CCDC90B: variants seen among roughly 807,000 people sequenced by gnomAD.
The protein encoded by CCDC90B is coiled-coil domain containing 90B, also known as coiled-coil domain-containing protein 90B, mitochondrial.
A neutral mutation model predicts 37.0 loss-of-function variants in CCDC90B; 24 were observed. That is an observed-to-expected ratio of 0.65 (90% CI 0.47 to 0.91). The LOEUF is 0.91. CCDC90B is among the 40% of genes least tolerant of loss of function. CCDC90B has a pLI of 0.00. For synonymous variants in CCDC90B, 113 were observed against 101.1 expected (o/e 1.12, Z -0.71); for missense variants, 319 against 299.0 (o/e 1.07, Z -0.49).
At chr11:83,270,654 CAA>C (rs1392854388) in intron 7 of CCDC90B, among the ~76,000 whole-genome samples, 3 of 152,140 alleles carry the variant, frequency 2.0e-5, no homozygotes, top group African/African-American at 7.2e-5. Flanking sequence ...AAAGAGGACA[CAA>C]ACAAATGGAA....
At position 83,273,862 on chromosome 11, in the gene CCDC90B, A is replaced by G. The variant is rs1864850538; in HGVS notation, c.471T>C (p.His157=). ...ELDQVKQQLM[H]ETSRIRADNK... ...TATCTGCTCTGATTCGACTGGTTTCATGCTTTAAAGAAAGCAAAGATATTT... is the reference window on the plus strand; with the variant it reads ...TATCTGCTCTGATTCGACTGGTTTCGTGCTTTAAAGAAAGCAAAGATATTT... Residue 157 remains histidine (H), a splice_region_variant and synonymous_variant, in exon 6 of 9, where the codon CAT becomes CAC. Transcript: ENST00000529689. 1 of 1,609,148 alleles carries G rather than the reference A, an allele frequency of 6.2e-7. No homozygotes were observed. The highest frequency in any genetic ancestry group is 8.5e-7 in the Non-Finnish European group (1 of 1,177,748).
chr11:83,268,288 C>T (rs1355714455), intron 7 of CCDC90B, among the ~76,000 whole-genome samples: 1 of 152,070 alleles, frequency 6.6e-6, no homozygotes, highest in Non-Finnish European at 1.5e-5. Flanking sequence ...CTAAATGCCC[C>T]AATTAAAAGA....
chr11:83,261,828 C>T lies in CCDC90B; in HGVS notation c.*83G>A, dbSNP rs1863940598. 2 of 961,910 alleles carry T rather than the reference C, an allele frequency of 2.1e-6. No individual in the cohort carries two copies. Among genetic ancestry groups the T allele is most frequent in the South Asian group, 1.5e-5 (1 of 66,210 alleles). The allele number at this position is 961,910 out of a possible 1,614,324, so 59.6% of individuals were successfully genotyped here. Reference sequence around the variant, plus strand: ...AATAATCTTGTGTAGTAAATTTTTGCTGCAACTGACAATGTTCAAAGTAAA... The same window carrying T: ...AATAATCTTGTGTAGTAAATTTTTGTTGCAACTGACAATGTTCAAAGTAAA... On this transcript the variant is annotated 3_prime_UTR_variant, in exon 9 of 9. Transcript: ENST00000529689.
chr11:83,264,751 A>G (rs1251471317), intron 8 of CCDC90B, among the ~76,000 whole-genome samples: 1 of 152,072 alleles, frequency 6.6e-6, no homozygotes, highest in Non-Finnish European at 1.5e-5. Flanking sequence ...AATGTGGCAC[A>G]TATACACCAT....
At chr11:83,269,526 C>A (rs1049137505) in intron 7 of CCDC90B, among the ~76,000 whole-genome samples, 1 of 152,212 alleles carries the variant, frequency 6.6e-6, no homozygotes, top group African/African-American at 2.4e-5. Context: ...ATACTATAAA[C>A]ACCTCTACAC....
chr11:83,273,760 G>T (rs372262391), intron 6 of CCDC90B, 33 bp downstream of exon 6: 89 of 1,600,806 alleles, frequency 5.6e-5, no homozygotes, highest in Non-Finnish European at 7.3e-5. Flanking sequence ...AAAGGAGTAA[G>T]TAACCAAGAA....
chr11:83,270,787 T>C (rs1258808175), intron 7 of CCDC90B, among the ~76,000 whole-genome samples: 1 of 152,166 alleles, frequency 6.6e-6, no homozygotes, highest in Admixed American at 6.5e-5. Context: ...AAAGTTCATA[T>C]GGAACCAAAA....
chr11:83,284,059 C>G (rs569308984), intron 1 of CCDC90B, among the ~76,000 whole-genome samples: 2 of 152,306 alleles, frequency 1.3e-5, no homozygotes, highest in East Asian at 3.9e-4. Flanking sequence ...AGTGGAATAA[C>G]AGATCCTTAA....
chr11:83,285,076 G>A (rs17144975), intron 1 of CCDC90B: 17,884 of 1,054,110 alleles, frequency 0.017, 159 homozygotes, highest in Non-Finnish European at 0.019. Context: ...TAACAATATG[G>A]AGTATAAATA....
chr11:83,285,348 G>C, intron 1 of CCDC90B: 1 of 1,179,648 alleles, frequency 8.5e-7, no homozygotes, highest in South Asian at 1.6e-5. Context: ...TTGGAAACTT[G>C]TGGGTTCCAG....
chr11:83,266,335 G>A (rs570223726), intron 7 of CCDC90B, among the ~76,000 whole-genome samples: 11 of 152,316 alleles, frequency 7.2e-5, no homozygotes, highest in South Asian at 4.2e-4. Flanking sequence ...AGGGGTCAGC[G>A]GATTTCCCTT....
At chr11:83,262,245 A>T (rs1400703999) in intron 8 of CCDC90B, among the ~76,000 whole-genome samples, 1 of 149,922 alleles carries the variant, frequency 6.7e-6, no homozygotes, top group African/African-American at 2.4e-5. Context: ...AGCATTATTG[A>T]CTACTTTAAA....
At chr11:83,278,854 AT>A (rs554455408) in intron 2 of CCDC90B, 25 bp from the exon 3 acceptor site, 26 of 1,441,734 alleles carry the variant, frequency 1.8e-5, no homozygotes, top group Non-Finnish European at 1.9e-5. Context: ...TAGGTATTTT[AT>A]TTTTTTTAAA....
At chr11:83,285,767 G>A in intron 1 of CCDC90B, 106 bp downstream of exon 1, 3 of 1,479,454 alleles carry the variant, frequency 2.0e-6, no homozygotes, top group African/African-American at 2.8e-5. Context: ...AATCCGGGAG[G>A]AGGGCGTGGC....
Position 83,265,736 on chromosome 11 carries a change from G to A in CCDC90B, c.709+129C>T. ...ACTGGAACCTTCTTTAAGCACTACAGGGGACCAAGCAATAAAGGAGCCTTG... is the reference window on the plus strand; with the variant it reads ...ACTGGAACCTTCTTTAAGCACTACAAGGGACCAAGCAATAAAGGAGCCTTG... On this transcript the variant is annotated intron_variant, in intron 8 of 8. Transcript: ENST00000529689. 9.9e-6 allele frequency: 6 copies of A among 606,416 alleles called. No individual in the cohort carries two copies. The East Asian group carries it at 1.4e-4, about 14-fold the overall frequency. The allele number at this position is 606,416 out of a possible 1,614,324, so 37.6% of individuals were successfully genotyped here. A position where few individuals can be genotyped will look rare whatever the true frequency, so the allele number is the denominator to read the frequency against.
chr11:83,276,080 G>A (rs1037566005), intron 3 of CCDC90B, among the ~76,000 whole-genome samples: 4 of 152,118 alleles, frequency 2.6e-5, no homozygotes, highest in African/African-American at 7.2e-5. Flanking sequence ...AACAGACATT[G>A]CTGACTCATG....
intron 1 of CCDC90B, chr11:83,285,250 G>T (rs1865612645): frequency 7.8e-7 from 1 of 1,281,550 alleles, no homozygotes; most frequent in Admixed American, 2.4e-5. Context: ...GAAAAACAAC[G>T]ACGACAACAA....
intron 3 of CCDC90B, 93 bp downstream of exon 3, chr11:83,278,633 A>T: frequency 1.3e-6 from 1 of 775,056 alleles, no homozygotes; most frequent in Non-Finnish European, 2.2e-6. Flanking sequence ...GGAAGATATA[A>T]GCATGTTTGG....
At chr11:83,265,038 G>C (rs1864167940) in intron 8 of CCDC90B, among the ~76,000 whole-genome samples, 1 of 152,156 alleles carries the variant, frequency 6.6e-6, no homozygotes, top group Non-Finnish European at 1.5e-5. Context: ...CAGCGCACCA[G>C]CATGGCACAT....
Sources: allele counts gnomAD v4.1 joint callset (sites outside exome capture counted in the v4.1 genomes callset), GRCh38; gene constraint gnomAD v4.1.1; transcripts MANE v1.5; gene names NCBI Gene and HGNC (gene_info 2026-07-23, HGNC 2026-07-21).